RBFOX1: variants seen among roughly 807,000 people sequenced by gnomAD.
RBFOX1 encodes RNA binding fox-1 homolog 1.
Under a neutral mutation model 57.7 loss-of-function variants are expected in RBFOX1, and 8 were observed. That is an observed-to-expected ratio of 0.14 (90% CI 0.08 to 0.25). The LOEUF (loss-of-function observed/expected upper bound fraction) is 0.25, where lower values mean the gene tolerates loss of function less well. RBFOX1 is among the 10% of genes least tolerant of loss of function. RBFOX1 has a pLI of 1.00. For synonymous variants in RBFOX1, 326 were observed against 222.4 expected (o/e 1.47, Z -4.15); for missense variants, 611 against 548.5 (o/e 1.11, Z -1.14).
At chr16:6,050,557 T>C (rs140971840) in intron 1 of RBFOX1, among the ~76,000 whole-genome samples, 49 of 152,256 alleles carry the variant, frequency 3.2e-4, no homozygotes, top group African/African-American at 1.2e-3. Flanking sequence ...CTATTTAATC[T>C]CCATGGGCTA....
chr16:6,788,745 G>C (rs545932857), intron 3 of RBFOX1, among the ~76,000 whole-genome samples: 1 of 151,686 alleles, frequency 6.6e-6, no homozygotes, highest in Non-Finnish European at 1.5e-5. Context: ...AGAGTGCTGG[G>C]ATTACAGGTG....
intron 13 of RBFOX1, among the ~76,000 whole-genome samples, chr16:7,667,516 A>AGACTC (rs976133383): frequency 2.6e-5 from 4 of 152,222 alleles, no homozygotes; most frequent in African/African-American, 7.2e-5. Context: ...ATGGTTAAAC[A>AGACTC]GACTCTTAGA....
chr16:6,966,833 A>ATCTG (rs1196056060), intron 3 of RBFOX1, among the ~76,000 whole-genome samples: 30 of 140,282 alleles, frequency 2.1e-4, no homozygotes, highest in African/African-American at 8.2e-4. Context: ...CTATCTGTCT[A>ATCTG]TCTATCTATC....
rs1186860225 is a variant in RBFOX1 at position 6,052,564 on chromosome 16, C to T, written c.-127+32572C>T. ...CTTTGGGAGGCCGAGGCGGGCGGAT[C>T]ACGAGGTCAGGAGATCGACACCATC... On this transcript the variant is annotated intron_variant, in intron 1 of 15. Coordinates refer to ENST00000550418, the MANE Select transcript of RBFOX1 (RefSeq NM_018723.4). Among the ~76,000 whole-genome samples the T allele has an allele frequency of 3.9e-5, 6 of 152,040 alleles. No homozygotes were observed. The East Asian group carries it at 9.7e-4, about 25-fold the overall frequency.
intron 4 of RBFOX1, among the ~76,000 whole-genome samples, chr16:7,179,376 C>G (rs1021608542): frequency 1.3e-5 from 2 of 152,112 alleles, no homozygotes; most frequent in African/African-American, 4.8e-5. Context: ...CTAAAAATCC[C>G]TTTGGGGAAT....
rs187326557 is a variant in RBFOX1 at position 6,823,248 on chromosome 16, T to A, written c.-16+168598T>A. ...TTGGCCCATCTGAAATTGTTTTGTT[T>A]TCTTTTTTTTTTTTCTTTTTTTTCC... On this transcript the variant is annotated intron_variant, in intron 3 of 15. Coordinates refer to ENST00000550418, the MANE Select transcript of RBFOX1 (RefSeq NM_018723.4). 2.5e-3 allele frequency among the ~76,000 whole-genome samples: 383 copies of A among 151,930 alleles called. 2 individuals are homozygous for A. Among genetic ancestry groups the A allele is most frequent in the African/African-American group, 8.5e-3 (352 of 41,382 alleles).
chr16:5,414,471 T>G (rs2067107598), intron 1 of RBFOX1, among the ~76,000 whole-genome samples: 1 of 152,182 alleles, frequency 6.6e-6, no homozygotes, highest in Non-Finnish European at 1.5e-5. Context: ...GGGTGACAGT[T>G]GAAGTGCTAT....
chr16:7,006,469 G>A (rs990594686), intron 3 of RBFOX1, among the ~76,000 whole-genome samples: 14 of 152,034 alleles, frequency 9.2e-5, no homozygotes, highest in Non-Finnish European at 1.9e-4. Context: ...GTTTTTTTAT[G>A]TAGAGACAGG....
chr16:5,367,075 AATTT>A (rs1231980161), intron 1 of RBFOX1, among the ~76,000 whole-genome samples: 5 of 152,134 alleles, frequency 3.3e-5, no homozygotes, highest in African/African-American at 1.2e-4. Flanking sequence ...CAATTTTTAA[AATTT>A]ATTTTGCATG....
chr16:7,094,001 CTTTATGATTGTG>C (rs2061291311), intron 4 of RBFOX1, among the ~76,000 whole-genome samples: 1 of 150,836 alleles, frequency 6.6e-6, no homozygotes, highest in African/African-American at 2.4e-5. Flanking sequence ...ATGATGTTGT[CTTTATGATTGTG>C]TTTTAAACAT....
intron 1 of RBFOX1, among the ~76,000 whole-genome samples, chr16:5,458,857 G>C (rs1320383401): frequency 6.6e-6 from 1 of 152,164 alleles, no homozygotes; most frequent in Non-Finnish European, 1.5e-5. Context: ...GCCAACTCTG[G>C]GGATATAGTA....
intron 4 of RBFOX1, among the ~76,000 whole-genome samples, chr16:5,890,572 C>A (rs775769301): frequency 1.2e-4 from 18 of 151,932 alleles, no homozygotes; most frequent in Non-Finnish European, 2.1e-4. Flanking sequence ...TGGCTTGTGC[C>A]TGTAATCTCA....
At chr16:5,446,917 C>T (rs575794470) in intron 1 of RBFOX1, among the ~76,000 whole-genome samples, 4 of 152,230 alleles carry the variant, frequency 2.6e-5, no homozygotes, top group African/African-American at 7.2e-5. Flanking sequence ...CCTGAGGCTC[C>T]GTTTCCTCAT....
chr16:5,379,690 A>G (rs1039849832), intron 1 of RBFOX1, among the ~76,000 whole-genome samples: 3 of 152,178 alleles, frequency 2.0e-5, no homozygotes, highest in African/African-American at 7.2e-5. Flanking sequence ...TGGTTTATCA[A>G]CTGTATTCTG....
chr16:6,427,582 C>T (rs1377342317), intron 2 of RBFOX1, among the ~76,000 whole-genome samples: 5 of 151,428 alleles, frequency 3.3e-5, no homozygotes, highest in Admixed American at 3.3e-4. Flanking sequence ...TCTCCTTACA[C>T]CTTAATGAAA....
At chr16:7,621,589 C>G (rs1373561199) in intron 10 of RBFOX1, among the ~76,000 whole-genome samples, 1 of 152,102 alleles carries the variant, frequency 6.6e-6, no homozygotes, top group Non-Finnish European at 1.5e-5. Context: ...GAAAAACAAT[C>G]CAAAAGAAAT....
intron 3 of RBFOX1, among the ~76,000 whole-genome samples, chr16:6,909,597 A>C (rs1031259137): frequency 5.3e-5 from 8 of 152,242 alleles, no homozygotes; most frequent in Non-Finnish European, 1.2e-4. Context: ...AGCGAGGGAC[A>C]TGTAATCTCC....
intron 4 of RBFOX1, among the ~76,000 whole-genome samples, chr16:7,059,181 G>A (rs1184917065): frequency 1.3e-5 from 2 of 152,168 alleles, no homozygotes; most frequent in Non-Finnish European, 1.5e-5. Context: ...CAGAATCAGA[G>A]ATACCTTCTC....
intron 4 of RBFOX1, among the ~76,000 whole-genome samples, chr16:7,437,482 C>T (rs758273027): frequency 2.0e-5 from 3 of 152,154 alleles, no homozygotes; most frequent in Non-Finnish European, 4.4e-5. Flanking sequence ...GTTGACGTTC[C>T]ATGCAGTGTG....
Sources: allele counts gnomAD v4.1 joint callset (sites outside exome capture counted in the v4.1 genomes callset), GRCh38; gene constraint gnomAD v4.1.1; transcripts MANE v1.5; gene names NCBI Gene and HGNC (gene_info 2026-07-23, HGNC 2026-07-21).